The following RBFOX1 variants were observed in gnomAD, a reference collection of about 807,000 sequenced individuals.
RBFOX1 encodes the protein RNA binding fox-1 homolog 1.
A neutral mutation model predicts 57.7 loss-of-function variants in RBFOX1; 8 were observed. That is an observed-to-expected ratio of 0.14 (90% CI 0.08 to 0.25). RBFOX1 has a LOEUF of 0.25. Ranked by LOEUF, RBFOX1 falls within the 10% of genes least tolerant of loss-of-function variation. The pLI is 1.00. For synonymous variants in RBFOX1, 326 were observed against 222.4 expected (o/e 1.47, Z -4.15); for missense variants, 611 against 548.5 (o/e 1.11, Z -1.14).
intron 3 of RBFOX1, among the ~76,000 whole-genome samples, chr16:7,031,262 G>A (rs1402630187): frequency 6.6e-6 from 1 of 152,114 alleles, no homozygotes; most frequent in Non-Finnish European, 1.5e-5. Flanking sequence ...TGTCAACTTT[G>A]GCAGGTTGTT....
intron 4 of RBFOX1, among the ~76,000 whole-genome samples, chr16:7,383,879 A>C (rs1009014783): frequency 6.6e-6 from 1 of 152,052 alleles, no homozygotes; most frequent in African/African-American, 2.4e-5. Context: ...ACATGGTGAA[A>C]TACCATCTAC....
intron 2 of RBFOX1, among the ~76,000 whole-genome samples, chr16:5,533,548 G>A (rs965268793): frequency 7.9e-5 from 12 of 152,280 alleles, no homozygotes; most frequent in South Asian, 2.1e-4. Context: ...AGCAGACTCC[G>A]TGACAACTTC....
intron 3 of RBFOX1, among the ~76,000 whole-genome samples, chr16:6,784,695 T>C (rs931519367): frequency 3.0e-5 from 3 of 101,214 alleles, no homozygotes; most frequent in African/African-American, 1.3e-4. Context: ...TAATGTCTGA[T>C]TTTTTTTTTT....
chr16:6,656,941 C>CCTCTCCTCT (rs2098660110), intron 3 of RBFOX1, among the ~76,000 whole-genome samples: 1 of 16,450 alleles, frequency 6.1e-5, no homozygotes, highest in Non-Finnish European at 1.2e-4. Flanking sequence ...CCCTCTCCTC[C>CCTCTCCTCT]CCTTTCCTCT....
intron 2 of RBFOX1, among the ~76,000 whole-genome samples, chr16:6,328,931 C>A (rs948727777): frequency 6.6e-6 from 1 of 152,050 alleles, no homozygotes; most frequent in African/African-American, 2.4e-5. Context: ...AGGATCCAAC[C>A]AACAAGTGGG....
intron 4 of RBFOX1, among the ~76,000 whole-genome samples, chr16:7,234,550 C>A (rs1240303672): frequency 1.3e-5 from 2 of 151,360 alleles, no homozygotes; most frequent in Admixed American, 1.3e-4. Flanking sequence ...AAGCATTTAA[C>A]CATGAAGTCT....
intron 1 of RBFOX1, among the ~76,000 whole-genome samples, chr16:6,138,569 C>G (rs1163879762): frequency 6.6e-6 from 1 of 152,086 alleles, no homozygotes; most frequent in Non-Finnish European, 1.5e-5. Context: ...AATCTTATGT[C>G]AGATAACATA....
chr16:7,625,363 G>A (rs2059927918), intron 10 of RBFOX1, among the ~76,000 whole-genome samples: 1 of 152,038 alleles, frequency 6.6e-6, no homozygotes, highest in Admixed American at 6.5e-5. Flanking sequence ...AGATGGTTTG[G>A]GGGTGGTTTC....
intron 2 of RBFOX1, among the ~76,000 whole-genome samples, chr16:5,578,518 G>T (rs2046545338): frequency 6.6e-6 from 1 of 152,176 alleles, no homozygotes; most frequent in African/African-American, 2.4e-5. Context: ...TAGAATAAAA[G>T]AACTGTCAAT....
At chr16:6,745,073 A>C (rs1161210183) in intron 3 of RBFOX1, among the ~76,000 whole-genome samples, 3 of 152,114 alleles carry the variant, frequency 2.0e-5, no homozygotes. Flanking sequence ...TATGATATTA[A>C]GATTTAAGGG....
At chr16:6,808,374 A>T (rs372303444) in intron 3 of RBFOX1, among the ~76,000 whole-genome samples, 72 of 152,094 alleles carry the variant, frequency 4.7e-4, no homozygotes, top group African/African-American at 1.6e-3. Context: ...ACTCCCTTCA[A>T]TGCCTAAAGT....
chr16:5,783,073 C>T (rs937717903), intron 3 of RBFOX1, among the ~76,000 whole-genome samples: 3 of 152,198 alleles, frequency 2.0e-5, no homozygotes, highest in Non-Finnish European at 4.4e-5. Flanking sequence ...AATATCTTAG[C>T]ATTCCCTAAT....
At chr16:6,510,252 A>T (rs567319104) in intron 2 of RBFOX1, among the ~76,000 whole-genome samples, 84 of 152,294 alleles carry the variant, frequency 5.5e-4, no homozygotes, top group African/African-American at 1.9e-3. Flanking sequence ...CACCGGAACC[A>T]TTATTGGATT....
At chr16:6,143,529 T>G (rs1428048377) in intron 1 of RBFOX1, among the ~76,000 whole-genome samples, 2 of 152,220 alleles carry the variant, frequency 1.3e-5, no homozygotes, top group African/African-American at 4.8e-5. Context: ...CCCTTTGCTA[T>G]TGAGAAGTGG....
At chr16:5,470,887 C>T (rs925255742) in intron 2 of RBFOX1, among the ~76,000 whole-genome samples, 4 of 152,040 alleles carry the variant, frequency 2.6e-5, no homozygotes, top group Admixed American at 2.0e-4. Flanking sequence ...GTTTCGCTCT[C>T]GTCACCCAGG....
chr16:6,601,518 G>C (rs1013513642), intron 2 of RBFOX1, among the ~76,000 whole-genome samples: 1 of 152,086 alleles, frequency 6.6e-6, no homozygotes, highest in Admixed American at 6.5e-5. Flanking sequence ...AAGGATCCTG[G>C]ACCATTCTAC....
At chr16:5,839,238 C>G (rs748588254) in intron 3 of RBFOX1, among the ~76,000 whole-genome samples, 1 of 152,184 alleles carries the variant, frequency 6.6e-6, no homozygotes, top group African/African-American at 2.4e-5. Context: ...TTTCCCCATC[C>G]TCTGTTCAAT....
chr16:7,506,883 C>T (rs1274480740), intron 4 of RBFOX1, among the ~76,000 whole-genome samples: 2 of 152,156 alleles, frequency 1.3e-5, no homozygotes, highest in Non-Finnish European at 2.9e-5. Context: ...TTCCTGGGTT[C>T]TCCAGAGGAA....
At chr16:6,996,075 C>A (rs930826534) in intron 3 of RBFOX1, among the ~76,000 whole-genome samples, 1 of 152,154 alleles carries the variant, frequency 6.6e-6, no homozygotes, top group Non-Finnish European at 1.5e-5. Context: ...GTCTTGAAGA[C>A]CATCAGTGAT....
Sources: gnomAD v4.1 joint callset for allele counts (sites outside exome capture counted in the v4.1 genomes callset) on GRCh38, gnomAD v4.1.1 for gene constraint, MANE v1.5 for transcripts, NCBI Gene and HGNC (gene_info 2026-07-23, HGNC 2026-07-21) for gene names.